Variants in PCDHGA4 observed in about 807,000 individuals in gnomAD.
PCDHGA4 encodes the protein protocadherin gamma-A4.
Under a neutral mutation model 54.6 loss-of-function variants are expected in PCDHGA4, and 38 were observed. The observed-to-expected ratio is 0.70, with a 90% CI of 0.54 to 0.91. PCDHGA4 has a LOEUF of 0.91. Among genes scored for constraint, PCDHGA4 ranks in the 40% least tolerant of loss-of-function variants. The probability of loss-of-function intolerance (pLI) is 0.00; values close to 1 mark genes in which losing one functional copy is unlikely to be tolerated. For synonymous variants in PCDHGA4, 511 were observed against 512.9 expected (o/e 1.00, Z 0.05); for missense variants, 1,298 against 1,220.9 (o/e 1.06, Z -0.94).
intron 1 of PCDHGA4, among the ~76,000 whole-genome samples, chr5:141,470,714 T>C (rs1416956410): frequency 1.3e-5 from 2 of 152,152 alleles, no homozygotes; most frequent in Non-Finnish European, 2.9e-5. Context: ...TTTTATTTTT[T>C]TGAGTCAGGG....
chr5:141,487,857 T>A lies in PCDHGA4; in HGVS notation c.2515-6950T>A. Reference sequence around the variant, plus strand: ...TATCTGAGTAAGAAATGAAAGTAATTGGTGATCAAGAGCCAGGCTGTTGTG... The same window carrying A: ...TATCTGAGTAAGAAATGAAAGTAATAGGTGATCAAGAGCCAGGCTGTTGTG... On this transcript the variant is annotated intron_variant, in intron 1 of 3. Coordinates refer to ENST00000571252, the MANE Select transcript of PCDHGA4 (RefSeq NM_018917.4). The surrounding 1 kb of genome is among the most constrained non-coding windows in gnomAD (Gnocchi z 5.0). The A allele has an allele frequency of 1.0e-6, 1 of 964,674 alleles. No individual in the cohort carries two copies. Among genetic ancestry groups the A allele is most frequent in the Non-Finnish European group, 1.5e-6 (1 of 659,920 alleles). 59.8% of individuals were successfully genotyped at this position (964,674 alleles called of 1,614,324 possible). A position where few individuals can be genotyped will look rare whatever the true frequency, so the allele number is the denominator to read the frequency against.
chr5:141,394,087 C>T, intron 1 of PCDHGA4: 2 of 1,613,888 alleles, frequency 1.2e-6, no homozygotes, highest in Non-Finnish European at 1.7e-6. Context: ...GTGATGGCCT[C>T]AGATCTAGGA....
At chr5:141,393,374 T>A (rs11575958) in intron 1 of PCDHGA4, 1 of 1,613,626 alleles carries the variant, frequency 6.2e-7, no homozygotes, top group Admixed American at 1.7e-5. Context: ...CTGGAGACAA[T>A]GGAGCCATAA....
chr5:141,384,596 C>G, intron 1 of PCDHGA4: 1 of 1,614,240 alleles, frequency 6.2e-7, no homozygotes, highest in Non-Finnish European at 8.5e-7. Flanking sequence ...CTGTACCCGG[C>G]CCTCCCCACA....
At chr5:141,379,831 C>T (rs1242791393) in intron 1 of PCDHGA4, among the ~76,000 whole-genome samples, 3 of 142,262 alleles carry the variant, frequency 2.1e-5, no homozygotes, top group Non-Finnish European at 4.5e-5. Context: ...TTTGAAGCAT[C>T]AGGAAAAAAA....
intron 1 of PCDHGA4, chr5:141,372,061 A>C: frequency 1.2e-6 from 2 of 1,613,572 alleles, no homozygotes; most frequent in Non-Finnish European, 1.7e-6. Context: ...GACGACCGCA[A>C]CGACAATGCA....
At chr5:141,434,875 A>G (rs2097725018) in intron 1 of PCDHGA4, among the ~76,000 whole-genome samples, 1 of 151,990 alleles carries the variant, frequency 6.6e-6, no homozygotes, top group African/African-American at 2.4e-5. Flanking sequence ...TGTGACAGAT[A>G]CCAACAACAA....
chr5:141,385,200 C>G (rs776177043), intron 1 of PCDHGA4: 4 of 1,614,214 alleles, frequency 2.5e-6, no homozygotes, highest in Middle Eastern at 3.3e-4. Flanking sequence ...GGAAGAGTCA[C>G]CTGATCTTCC....
At position 141,357,466 on chromosome 5, in the gene PCDHGA4, G is replaced by T; in HGVS notation, c.2359G>T (p.Glu787Ter). The change falls in exon 1 of 4, where the codon GAG (glutamate) becomes TAG (stop). Residue 787 changes from glutamate to a stop codon, truncating the protein, a stop_gained. Transcript: ENST00000571252. LOFTEE classifies it high-confidence loss of function. The stretch of plus-strand genomic sequence containing the variant: ...GGCTTTCCTGCAGACCTATTCCCAC[G>T]AGGTCTCCCTCACCGCGGACTCGCG... ...VRAFLQTYSHEVSLTADSRKS... is the reference protein window; with the variant it reads ...VRAFLQTYSH 1 of 1,614,180 alleles carries T rather than the reference G, an allele frequency of 6.2e-7. No individual in the cohort carries two copies. Among genetic ancestry groups the T allele is most frequent in the South Asian group, 1.1e-5 (1 of 91,086 alleles).
At chr5:141,414,167 A>T (rs2095716553) in intron 1 of PCDHGA4, 3 of 1,605,526 alleles carry the variant, frequency 1.9e-6, no homozygotes, top group Non-Finnish European at 2.6e-6. Flanking sequence ...GGAGGAGCAT[A>T]TCTTGCAACT....
At chr5:141,478,940 T>C in intron 1 of PCDHGA4, 2 of 584,636 alleles carry the variant, frequency 3.4e-6, no homozygotes, top group South Asian at 2.7e-5. Flanking sequence ...CTTCTAGGAA[T>C]ACAAAAACTA....
intron 2 of PCDHGA4, among the ~76,000 whole-genome samples, chr5:141,500,212 ATT>A (rs1336187706): frequency 5.4e-5 from 8 of 148,798 alleles, no homozygotes; most frequent in African/African-American, 2.0e-4. Context: ...TTATTTATTT[ATT>A]TATTTATTTA....
intron 1 of PCDHGA4, among the ~76,000 whole-genome samples, chr5:141,449,549 A>G (rs1431239786): frequency 6.8e-6 from 1 of 147,830 alleles, no homozygotes; most frequent in East Asian, 2.0e-4. Context: ...AGATCGCACC[A>G]CTGCACTCCA....
intron 1 of PCDHGA4, chr5:141,424,187 A>C (rs2096804354): frequency 5.3e-6 from 1 of 188,948 alleles, no homozygotes; most frequent in African/African-American, 2.4e-5. Context: ...ACATGCACAC[A>C]CACTTATACA....
At chr5:141,478,598 A>C in intron 1 of PCDHGA4, 1 of 1,566,350 alleles carries the variant, frequency 6.4e-7, no homozygotes, top group South Asian at 1.2e-5. Flanking sequence ...TTATTCCTAC[A>C]TCATATTGAG....
intron 1 of PCDHGA4, among the ~76,000 whole-genome samples, chr5:141,382,424 A>G (rs1778195711): frequency 6.6e-6 from 1 of 152,232 alleles, no homozygotes; most frequent in Non-Finnish European, 1.5e-5. Flanking sequence ...TCAGTGCCCA[A>G]AAGAGTCACT....
chr5:141,476,336 C>G lies in PCDHGA4; in HGVS notation c.2515-18471C>G, dbSNP rs1228900349. The G allele has an allele frequency of 2.5e-6, 4 of 1,614,008 alleles. No individual in the cohort carries two copies. The highest frequency in any genetic ancestry group is 2.2e-5 in the East Asian group (1 of 44,854). ...GTTCCGGGTGGTGTCTGGAGCTAGC[C>G]GAAGATTCTTTGAGGTGAACCGGGA... On this transcript the variant is annotated intron_variant, in intron 1 of 3. Coordinates refer to ENST00000571252, the MANE Select transcript of PCDHGA4 (RefSeq NM_018917.4). The surrounding 1 kb of genome is among the most constrained non-coding windows in gnomAD (Gnocchi z 7.6).
In PCDHGA4 at chr5:141,355,573, G is replaced by T. The variant is rs781268450; in HGVS notation, c.466G>T (p.Asp156Tyr). The change falls in exon 1 of 4, where the codon GAT (aspartate) becomes TAT (tyrosine). Residue 156 changes from aspartate to tyrosine, a missense_variant. Coordinates refer to ENST00000571252, the MANE Select transcript of PCDHGA4 (RefSeq NM_018917.4). ...KILRVEVEII[D>Y]VNDNPPSFGT... ...TTTGCGGGTAGAGGTGGAAATAATC[G>T]ATGTTAATGATAACCCACCCAGTTT... 3.1e-6 allele frequency: 5 copies of T among 1,613,858 alleles called. No individual in the cohort carries two copies. In the African/African-American group the frequency reaches 4.0e-5, roughly 13 times the overall value.
rs1173306822 is a variant in PCDHGA4, at chr5:141,431,115, T to G, written c.2515-63692T>G. The G allele has an allele frequency of 6.2e-7, 1 of 1,613,608 alleles. No homozygotes were observed. Among genetic ancestry groups the G allele is most frequent in the East Asian group, 2.2e-5 (1 of 44,840 alleles). ...GAGGATAAAGTGAAAATATATGGAG[T>G]AGAAGTAGAAGTAAGGGACATTAAC... On this transcript the variant is annotated intron_variant, in intron 1 of 3. Transcript: ENST00000571252. This position sits in a 1 kb window ranked among gnomAD's most constrained non-coding sequence, Gnocchi z 4.8.
Sources: allele counts gnomAD v4.1 joint callset (sites outside exome capture counted in the v4.1 genomes callset), GRCh38; gene constraint gnomAD v4.1.1; non-coding constraint Gnocchi (gnomAD v3.1); transcripts MANE v1.5; gene names NCBI Gene and HGNC (gene_info 2026-07-23, HGNC 2026-07-21).